Variants in PPP2R2B observed in about 807,000 individuals in gnomAD.
PPP2R2B encodes the protein protein phosphatase 2 regulatory subunit Bbeta.
PPP2R2B carries 5 observed loss-of-function variants against 46.0 expected under a neutral mutation model. The observed-to-expected ratio is 0.11, with a 90% CI of 0.06 to 0.23. The LOEUF is 0.23. Ranked by LOEUF, PPP2R2B falls within the 10% of genes least tolerant of loss-of-function variation. The pLI is 1.00. For missense variants in PPP2R2B, 367 were observed against 575.0 expected (o/e 0.64, Z 3.70); for synonymous variants, 215 against 206.7 (o/e 1.04, Z -0.34).
intron 2 of PPP2R2B, among the ~76,000 whole-genome samples, chr5:146,876,541 G>A (rs535899749): frequency 1.9e-3 from 283 of 152,332 alleles, no homozygotes; most frequent in Non-Finnish European, 3.3e-3. Flanking sequence ...AGGTCACTGA[G>A]TCAGTGACAA....
chr5:146,822,417 T>C (rs1758317598), intron 2 of PPP2R2B, among the ~76,000 whole-genome samples: 1 of 152,190 alleles, frequency 6.6e-6, no homozygotes, highest in Non-Finnish European at 1.5e-5. Context: ...GTCATCATAC[T>C]CAGGTTGCAC....
chr5:146,734,917 A>T (rs573226272), intron 2 of PPP2R2B, among the ~76,000 whole-genome samples: 1 of 152,310 alleles, frequency 6.6e-6, no homozygotes, highest in East Asian at 1.9e-4. Flanking sequence ...CATCACTTTT[A>T]TTACCCGCCC....
In PPP2R2B at chr5:146,878,690, A is replaced by G. The variant is rs1366921504; in HGVS notation, c.-224T>C. On this transcript the variant is annotated 5_prime_UTR_variant, in exon 1 of 10. Transcript: ENST00000394411. The surrounding 1 kb of genome is among the most constrained non-coding windows in gnomAD (Gnocchi z 4.5). ...TGGGCAGGGCGCTGCAGCCGGCGCC[A>G]GCGCACTCACCCTCACACCCACACG... 1 of 1,287,392 alleles carries G rather than the reference A, an allele frequency of 7.8e-7. No homozygotes were observed. Among genetic ancestry groups the G allele is most frequent in the South Asian group, 1.4e-5 (1 of 73,844 alleles). The allele number at this position is 1,287,392 out of a possible 1,614,324, so 79.7% of individuals were successfully genotyped here.
intron 1 of PPP2R2B, among the ~76,000 whole-genome samples, chr5:146,934,758 ACT>A (rs1213239750): frequency 6.6e-6 from 1 of 151,134 alleles, no homozygotes; most frequent in Admixed American, 6.6e-5. Context: ...CAGAGACCAA[ACT>A]CTTTTTTTTT....
chr5:146,895,652 T>C (rs1762622159), intron 1 of PPP2R2B, among the ~76,000 whole-genome samples: 1 of 152,190 alleles, frequency 6.6e-6, no homozygotes, highest in African/African-American at 2.4e-5. Flanking sequence ...TTATAAACAG[T>C]TGTTAACTAG....
upstream of PPP2R2B, among the ~76,000 whole-genome samples, chr5:147,057,034 G>C (rs528321546): frequency 1.3e-5 from 2 of 152,258 alleles, no homozygotes; most frequent in Non-Finnish European, 2.9e-5. Flanking sequence ...AAATCTGATG[G>C]AATAATTTTT....
intron 5 of PPP2R2B, among the ~76,000 whole-genome samples, chr5:146,675,167 G>A (rs1001826772): frequency 2.0e-5 from 3 of 151,944 alleles, no homozygotes; most frequent in Admixed American, 2.0e-4. Context: ...TCACCATGTT[G>A]GCCAGGATGG....
intron 7 of PPP2R2B, among the ~76,000 whole-genome samples, chr5:146,617,662 T>C (rs1773298375): frequency 6.6e-6 from 1 of 150,634 alleles, no homozygotes; most frequent in Non-Finnish European, 1.5e-5. Context: ...TTATCTACCA[T>C]GGCTGGGGCT....
In PPP2R2B at chr5:146,592,222, A is replaced by G. The variant is rs143737953; in HGVS notation, c.1052+749T>C. 1.7e-3 allele frequency: 653 copies of G among 387,990 alleles called. 6 individuals are homozygous for G. The highest frequency in any genetic ancestry group is 0.013 in the African/African-American group (602 of 46,504). The allele number at this position is 387,990 out of a possible 1,614,324, so 24.0% of individuals were successfully genotyped here. A position where few individuals can be genotyped will look rare whatever the true frequency, so the allele number is the denominator to read the frequency against. Reference sequence around the variant, plus strand: ...CTAAGGAGGGGATTCATTTTGGATCAGTGGCAAAGAAAGCCAAGAAACAGG... The same window carrying G: ...CTAAGGAGGGGATTCATTTTGGATCGGTGGCAAAGAAAGCCAAGAAACAGG... On this transcript the variant is annotated intron_variant, in intron 9 of 9. Coordinates refer to ENST00000394411, the MANE Select transcript of PPP2R2B (RefSeq NM_181675.4).
chr5:146,844,353 TAA>T (rs541590190), intron 2 of PPP2R2B, among the ~76,000 whole-genome samples: 65 of 136,416 alleles, frequency 4.8e-4, no homozygotes, highest in Admixed American at 2.2e-3. Flanking sequence ...TAGAGTATAA[TAA>T]AAAAAAAAAA....
At chr5:146,856,498 C>T (rs776748815) in intron 2 of PPP2R2B, 6 of 1,579,270 alleles carry the variant, frequency 3.8e-6, no homozygotes, top group East Asian at 2.2e-5. Flanking sequence ...AATACGAATA[C>T]CTTTATTTCC....
At chr5:146,913,365 C>T (rs1397922068) in intron 1 of PPP2R2B, among the ~76,000 whole-genome samples, 1 of 152,146 alleles carries the variant, frequency 6.6e-6, no homozygotes, top group East Asian at 1.9e-4. Flanking sequence ...TACTCTCTCC[C>T]ATTACAGTGT....
intron 2 of PPP2R2B, among the ~76,000 whole-genome samples, chr5:146,839,068 C>A (rs1759469269): frequency 1.3e-5 from 2 of 152,212 alleles, no homozygotes; most frequent in Non-Finnish European, 2.9e-5. Flanking sequence ...TTATAACTTC[C>A]AATTAGAAGC....
chr5:146,786,346 T>A (rs1366553512), intron 2 of PPP2R2B, among the ~76,000 whole-genome samples: 1 of 152,148 alleles, frequency 6.6e-6, no homozygotes, highest in African/African-American at 2.4e-5. Flanking sequence ...AAATGCATTA[T>A]CATGGTTCAC....
chr5:146,785,217 G>A lies in PPP2R2B; in HGVS notation c.71-84075C>T, dbSNP rs982896618. ...GTATAGAAAAGGAGGAAGGAAGTGG[G>A]AGCTAACTTTCTCATCTGACACAGT... is the stretch of plus-strand genomic sequence containing the variant. On this transcript the variant is annotated intron_variant, in intron 2 of 9. Transcript: ENST00000394411. Among the ~76,000 whole-genome samples the A allele has an allele frequency of 1.3e-5, 2 of 152,078 alleles. 1 individual carries two copies. The highest frequency in any genetic ancestry group is 4.1e-4 in the South Asian group (2 of 4,822).
intron 2 of PPP2R2B, chr5:146,751,095 C>T (rs1041637322): frequency 6.6e-6 from 1 of 152,198 alleles, no homozygotes; most frequent in Non-Finnish European, 1.5e-5. Flanking sequence ...CATTTGGAAC[C>T]AAGCTGTAAG....
chr5:146,787,538 C>G (rs868768669), intron 2 of PPP2R2B, among the ~76,000 whole-genome samples: 1 of 151,794 alleles, frequency 6.6e-6, no homozygotes, highest in South Asian at 2.1e-4. Context: ...TTTCTCCTCC[C>G]CTCTCGCCTC....
chr5:146,858,446 T>C (rs892148620), intron 2 of PPP2R2B, among the ~76,000 whole-genome samples: 21 of 152,214 alleles, frequency 1.4e-4, no homozygotes, highest in African/African-American at 5.1e-4. Context: ...CCATGGAAAG[T>C]AGTTACTACT....
chr5:147,055,601 TG>T, intron 1 of PPP2R2B: 1 of 1,424,070 alleles, frequency 7.0e-7, no homozygotes, highest in Non-Finnish European at 9.9e-7. Flanking sequence ...GCAGAACCCG[TG>T]GGAAGTCAGA....
Sources: allele counts gnomAD v4.1 joint callset (sites outside exome capture counted in the v4.1 genomes callset), GRCh38; gene constraint gnomAD v4.1.1; non-coding constraint Gnocchi (gnomAD v3.1); transcripts MANE v1.5; gene names NCBI Gene and HGNC (gene_info 2026-07-23, HGNC 2026-07-21).